The following PLCG2 variants were observed in gnomAD, a reference collection of about 807,000 sequenced individuals.
The protein encoded by PLCG2 is 1-phosphatidylinositol 4,5-bisphosphate phosphodiesterase gamma-2.
PLCG2 carries 69 observed loss-of-function variants against 175.6 expected under a neutral mutation model. The observed-to-expected ratio is 0.39, with a 90% CI of 0.32 to 0.48. The LOEUF (loss-of-function observed/expected upper bound fraction) is 0.48. Ranked by LOEUF, PLCG2 falls within the 20% of genes least tolerant of loss-of-function variation. PLCG2 has a pLI of 0.91. For synonymous variants in PLCG2, 827 were observed against 624.0 expected (o/e 1.33, Z -4.85); for missense variants, 1,798 against 1,650.9 (o/e 1.09, Z -1.54).
At position 81,919,466 on chromosome 16, in the gene PLCG2, G is replaced by C. The variant is rs1909973695; in HGVS notation, c.2055-18G>C. The C allele has an allele frequency of 2.5e-6, 4 of 1,607,728 alleles. No individual in the cohort carries two copies. The African/African-American group carries it at 5.3e-5, about 21-fold the overall frequency. On this transcript the variant is annotated intron_variant, in intron 19 of 32. Coordinates refer to ENST00000564138, the MANE Select transcript of PLCG2 (RefSeq NM_002661.5). ...ACCAGGATCTTGGCATGTCAACCCTGTGTTCTTCCTGCTCCAGGGCTAGGG... is the reference window on the plus strand; with the variant it reads ...ACCAGGATCTTGGCATGTCAACCCTCTGTTCTTCCTGCTCCAGGGCTAGGG...
intron 30 of PLCG2, among the ~76,000 whole-genome samples, chr16:81,941,488 T>C (rs2143741361): frequency 6.6e-6 from 1 of 152,328 alleles, no homozygotes; most frequent in African/African-American, 2.4e-5. Context: ...GCTGCCTATC[T>C]TACCATTGAG....
chr16:81,767,137 T>G (rs4396527), intron 2 of PLCG2, among the ~76,000 whole-genome samples: 40 of 19,400 alleles, frequency 2.1e-3, no homozygotes, highest in African/African-American at 8.1e-3. Flanking sequence ...AAACTCGTGG[T>G]TTTTTTTTTT....
intron 2 of PLCG2, among the ~76,000 whole-genome samples, chr16:81,793,063 G>C (rs1359344936): frequency 6.6e-6 from 1 of 152,152 alleles, no homozygotes; most frequent in Non-Finnish European, 1.5e-5. Flanking sequence ...AGACCAGAAA[G>C]AAAAAAGGCC....
chr16:81,802,144 G>C (rs1298391401), intron 2 of PLCG2, among the ~76,000 whole-genome samples: 1 of 89,426 alleles, frequency 1.1e-5, no homozygotes, highest in Non-Finnish European at 2.1e-5. Context: ...GACGGATCTC[G>C]CTCTTTCGCC....
intron 5 of PLCG2, among the ~76,000 whole-genome samples, chr16:81,863,296 G>A (rs55801253): frequency 0.14 from 20,855 of 152,276 alleles, 1,662 homozygotes; most frequent in Non-Finnish European, 0.19. Context: ...TGGACTAGCA[G>A]AATATTTGTC....
intron 11 of PLCG2, 72 bp from the exon 12 acceptor site, chr16:81,893,637 C>T: frequency 2.3e-6 from 2 of 881,896 alleles, no homozygotes; most frequent in Non-Finnish European, 3.8e-6. Context: ...CCACAACACC[C>T]TGAGGTGCAG....
intron 16 of PLCG2, among the ~76,000 whole-genome samples, chr16:81,908,172 A>AG (rs1909459878): frequency 6.6e-6 from 1 of 152,148 alleles, no homozygotes. Flanking sequence ...CTTTGCTGGG[A>AG]ACCGTTCACT....
chr16:81,940,987 C>T (rs1359656554), intron 30 of PLCG2, among the ~76,000 whole-genome samples: 3 of 152,174 alleles, frequency 2.0e-5, no homozygotes, highest in Non-Finnish European at 4.4e-5. Flanking sequence ...CTCAAGAGGT[C>T]ACTGTTCCCT....
chr16:81,943,766 T>C (rs17203303), intron 30 of PLCG2, among the ~76,000 whole-genome samples: 4,772 of 152,194 alleles, frequency 0.031, 93 homozygotes, highest in Non-Finnish European at 0.043. Context: ...GCAACAAAAA[T>C]CACATTGTAG....
intron 2 of PLCG2, among the ~76,000 whole-genome samples, chr16:81,843,982 T>TC (rs1905972526): frequency 6.6e-6 from 1 of 151,812 alleles, no homozygotes; most frequent in South Asian, 2.1e-4. Context: ...TTTCTTTCTT[T>TC]CTTTTTTTTT....
chr16:81,770,999 C>A (rs1003160206), intron 2 of PLCG2, among the ~76,000 whole-genome samples: 7 of 150,028 alleles, frequency 4.7e-5, no homozygotes, highest in Non-Finnish European at 8.9e-5. Flanking sequence ...TGGAGCTTGC[C>A]GTGAGCCGAG....
At chr16:81,911,815 T>TG (rs1555519857) in intron 18 of PLCG2, among the ~76,000 whole-genome samples, 2 of 144,390 alleles carry the variant, frequency 1.4e-5, no homozygotes, top group Non-Finnish European at 3.0e-5. Context: ...TTTTTTTTTT[T>TG]GGGACAGAGT....
At chr16:81,947,243 C>A (rs562018547) in intron 31 of PLCG2, among the ~76,000 whole-genome samples, 1 of 152,288 alleles carries the variant, frequency 6.6e-6, no homozygotes, top group African/African-American at 2.4e-5. Flanking sequence ...AAGCTTAATG[C>A]CGGGGCTGCC....
intron 2 of PLCG2, among the ~76,000 whole-genome samples, chr16:81,825,911 G>A (rs888081969): frequency 1.3e-5 from 2 of 152,202 alleles, no homozygotes; most frequent in Non-Finnish European, 2.9e-5. Context: ...TAGGTGGATC[G>A]TAGAGAAAGA....
At chr16:81,934,992 C>G (rs748895435) in intron 26 of PLCG2, among the ~76,000 whole-genome samples, 6 of 151,230 alleles carry the variant, frequency 4.0e-5, no homozygotes, top group Non-Finnish European at 7.4e-5. Flanking sequence ...ATTATGGGAG[C>G]TACAATTCAA....
At chr16:81,916,087 T>A (rs1467334231) in intron 19 of PLCG2, among the ~76,000 whole-genome samples, 3 of 152,166 alleles carry the variant, frequency 2.0e-5, no homozygotes, top group Admixed American at 6.5e-5. Flanking sequence ...AAAATACAAA[T>A]GGGAACATTC....
Position 81,869,321 on chromosome 16 carries a change from G to C in PLCG2, c.564+23G>C, listed in dbSNP as rs763128611. 9 of 1,535,964 alleles carry C rather than the reference G, an allele frequency of 5.9e-6. No individual in the cohort carries two copies. In the Admixed American group the frequency reaches 1.5e-4, roughly 26 times the overall value. ...GTGGTAAGTTTCATGGCTCAGCCTG[G>C]GAATTTTATGAATGCGGAGTGACTT... is the stretch of plus-strand genomic sequence containing the variant. On this transcript the variant is annotated intron_variant, in intron 6 of 32. Transcript: ENST00000564138.
chr16:81,807,847 G>T (rs942077944), intron 2 of PLCG2, among the ~76,000 whole-genome samples: 1 of 152,268 alleles, frequency 6.6e-6, no homozygotes, highest in East Asian at 1.9e-4. Context: ...GCAAGAGAGA[G>T]AGGGAGGGAG....
intron 2 of PLCG2, among the ~76,000 whole-genome samples, chr16:81,853,190 G>A (rs556456481): frequency 6.6e-6 from 1 of 152,118 alleles, no homozygotes; most frequent in Non-Finnish European, 1.5e-5. Flanking sequence ...AACTAGCCGG[G>A]CATGGTGGCA....
Sources: gnomAD v4.1 joint callset for allele counts (sites outside exome capture counted in the v4.1 genomes callset) on GRCh38, gnomAD v4.1.1 for gene constraint, MANE v1.5 for transcripts, NCBI Gene and HGNC (gene_info 2026-07-23, HGNC 2026-07-21) for gene names.